Variants in NNT observed in about 807,000 individuals in gnomAD.
The protein encoded by NNT is nicotinamide nucleotide transhydrogenase.
Under a neutral mutation model 104.8 loss-of-function variants are expected in NNT, and 50 were observed. The observed-to-expected ratio is 0.48, with a 90% confidence interval of 0.38 to 0.60. The LOEUF is 0.60. Ranked by LOEUF, NNT falls within the 20% of genes least tolerant of loss-of-function variation. NNT has a pLI of 0.00. For synonymous variants in NNT, 461 were observed against 490.4 expected (o/e 0.94, Z 0.79); for missense variants, 1,131 against 1,330.7 (o/e 0.85, Z 2.33).
At chr5:43,671,887 T>G (rs750354312) in intron 17 of NNT, among the ~76,000 whole-genome samples, 1 of 152,228 alleles carries the variant, frequency 6.6e-6, no homozygotes, top group Non-Finnish European at 1.5e-5. Context: ...GTTTTCCAAC[T>G]TGGTTCCATT....
intron 17 of NNT, among the ~76,000 whole-genome samples, chr5:43,672,196 T>C (rs1275929555): frequency 1.3e-5 from 2 of 152,206 alleles, no homozygotes; most frequent in Non-Finnish European, 2.9e-5. Flanking sequence ...TTAATATTTT[T>C]TCAAGGTTTT....
intron 3 of NNT, 87 bp from the exon 4 acceptor site, chr5:43,615,761 A>G (rs1749752260): frequency 2.1e-6 from 2 of 959,480 alleles, no homozygotes; most frequent in East Asian, 5.3e-5. Context: ...TATTTCAGTC[A>G]TGGCATATTA....
At chr5:43,616,897 G>A (rs973989792) in intron 4 of NNT, among the ~76,000 whole-genome samples, 3 of 152,056 alleles carry the variant, frequency 2.0e-5, no homozygotes, top group Non-Finnish European at 4.4e-5. Context: ...AAAACTATTA[G>A]TAGTTGAGAA....
chr5:43,635,240 A>G (rs1348824017), intron 7 of NNT, among the ~76,000 whole-genome samples: 1 of 152,178 alleles, frequency 6.6e-6, no homozygotes, highest in Non-Finnish European at 1.5e-5. Context: ...AGTAATAGAT[A>G]GGTTCACATA....
At chr5:43,659,045 G>A (rs944867750) in intron 16 of NNT, 126 bp from the exon 17 acceptor site, 11 of 901,686 alleles carry the variant, frequency 1.2e-5, no homozygotes, top group Middle Eastern at 3.6e-4. Context: ...ACTTATTACC[G>A]GAAGTGGAAC....
intron 7 of NNT, among the ~76,000 whole-genome samples, chr5:43,631,782 G>C (rs1191074123): frequency 6.6e-6 from 1 of 152,112 alleles, no homozygotes; most frequent in East Asian, 1.9e-4. Context: ...AGGTCAGACT[G>C]TATGACAGTC....
intron 19 of NNT, among the ~76,000 whole-genome samples, chr5:43,691,838 T>C (rs1742301302): frequency 6.6e-6 from 1 of 152,264 alleles, no homozygotes; most frequent in Middle Eastern, 3.2e-3. Flanking sequence ...GATCTCTGCC[T>C]TTGTTGGAGC....
At chr5:43,646,338 T>A (rs368793969) in intron 10 of NNT, among the ~76,000 whole-genome samples, 10 of 152,052 alleles carry the variant, frequency 6.6e-5, no homozygotes, top group Admixed American at 2.6e-4. Flanking sequence ...CAGGTAGGAG[T>A]GCAGTGGTGT....
chr5:43,649,193 C>A lies in NNT; in HGVS notation c.1491C>A (p.Ala497=). The change falls in exon 11 of 22, where the codon GCC becomes GCA. Residue 497 remains alanine, a synonymous_variant. Coordinates refer to ENST00000344920, the MANE Select transcript of NNT (RefSeq NM_182977.3). ...LGLGIAAPNL[A]FSQMVTTFGL... is the part of the protein sequence containing the mutation. Reference sequence around the variant, plus strand: ...TGGGCATTGCGGCTCCCAATCTAGCCTTTTCTCAGATGGTGACCACTTTTG... The same window carrying A: ...TGGGCATTGCGGCTCCCAATCTAGCATTTTCTCAGATGGTGACCACTTTTG... 6.2e-7 allele frequency: 1 copy of A among 1,614,188 alleles called. No homozygotes were observed. Among genetic ancestry groups the A allele is most frequent in the Non-Finnish European group, 8.5e-7 (1 of 1,180,026 alleles).
intron 10 of NNT, among the ~76,000 whole-genome samples, chr5:43,646,129 C>T (rs1041310946): frequency 6.6e-6 from 1 of 152,116 alleles, no homozygotes; most frequent in Non-Finnish European, 1.5e-5. Flanking sequence ...ACTTGTCCCA[C>T]CTCTACGGAA....
At chr5:43,669,202 G>A (rs1169289676) in intron 17 of NNT, among the ~76,000 whole-genome samples, 1 of 152,014 alleles carries the variant, frequency 6.6e-6, no homozygotes, top group East Asian at 1.9e-4. Flanking sequence ...GGGTTTTCTA[G>A]ATATACAATC....
chr5:43,698,852 G>GCA (rs994742046), intron 19 of NNT, among the ~76,000 whole-genome samples: 4 of 147,578 alleles, frequency 2.7e-5, no homozygotes, highest in Non-Finnish European at 6.0e-5. Context: ...GCACACACAT[G>GCA]CACACACACA....
chr5:43,637,846 C>T (rs769984527), intron 7 of NNT, among the ~76,000 whole-genome samples: 6 of 152,138 alleles, frequency 3.9e-5, no homozygotes, highest in Non-Finnish European at 8.8e-5. Flanking sequence ...AGATGCACCT[C>T]GGCTTACACC....
chr5:43,666,923 G>A (rs936901742), intron 17 of NNT: 1 of 1,580,890 alleles, frequency 6.3e-7, no homozygotes, highest in African/African-American at 1.3e-5. Flanking sequence ...CGCTTCCCAA[G>A]CTTGGGGTGG....
chr5:43,666,912 ACGCTT>A, intron 17 of NNT: 2 of 1,576,446 alleles, frequency 1.3e-6, no homozygotes, highest in South Asian at 2.2e-5. Flanking sequence ...AGGCACAAAC[ACGCTT>A]CCCAAGCTTG....
chr5:43,608,451 A>G (rs1383273386), intron 1 of NNT, among the ~76,000 whole-genome samples: 15 of 152,242 alleles, frequency 9.9e-5, no homozygotes, highest in Admixed American at 9.2e-4. Flanking sequence ...AACAGTTCAT[A>G]GTTATGGCCA....
At chr5:43,622,517 C>T (rs1186682200) in intron 5 of NNT, among the ~76,000 whole-genome samples, 1 of 152,200 alleles carries the variant, frequency 6.6e-6, no homozygotes, top group Non-Finnish European at 1.5e-5. Context: ...ATCCTCCTGT[C>T]TTGGCCTCCC....
intron 17 of NNT, among the ~76,000 whole-genome samples, chr5:43,673,627 G>A (rs1397389099): frequency 6.6e-6 from 1 of 152,166 alleles, no homozygotes; most frequent in Non-Finnish European, 1.5e-5. Context: ...TCTCAGATGT[G>A]GCTATTTGTG....
At chr5:43,699,762 G>A (rs1452766351) in intron 19 of NNT, among the ~76,000 whole-genome samples, 1 of 152,140 alleles carries the variant, frequency 6.6e-6, no homozygotes, top group African/African-American at 2.4e-5. Flanking sequence ...AGGTAAATAG[G>A]TTTTTAAAGA....
Sources: allele counts gnomAD v4.1 joint callset (sites outside exome capture counted in the v4.1 genomes callset), GRCh38; gene constraint gnomAD v4.1.1; transcripts MANE v1.5; gene names NCBI Gene and HGNC (gene_info 2026-07-23, HGNC 2026-07-21).